ASAP2: variants seen among roughly 807,000 people sequenced by gnomAD.
ASAP2 encodes ArfGAP with SH3 domain, ankyrin repeat and PH domain 2.
ASAP2 carries 45 observed loss-of-function variants against 131.4 expected under a neutral mutation model. That is an observed-to-expected ratio of 0.34 (90% CI 0.27 to 0.44). The LOEUF (loss-of-function observed/expected upper bound fraction) is 0.44. ASAP2 is among the 20% of genes least tolerant of loss of function. The probability of loss-of-function intolerance (pLI) is 1.00; values close to 1 mark genes in which losing one functional copy is unlikely to be tolerated. For missense variants in ASAP2, 1,011 were observed against 1,297.0 expected, an observed-to-expected ratio of 0.78 and a Z score of 3.39; for synonymous variants, 510 against 503.0, an observed-to-expected ratio of 1.01 and a Z score of -0.19.
At chr2:9,273,131 T>C (rs954036307) in intron 1 of ASAP2, among the ~76,000 whole-genome samples, 23 of 152,346 alleles carry the variant, frequency 1.5e-4, no homozygotes, top group Non-Finnish European at 3.2e-4. Context: ...TGTAAATCGT[T>C]CTGGGTAGTA....
chr2:9,260,303 T>C (rs2709587), intron 1 of ASAP2, among the ~76,000 whole-genome samples: 97,588 of 152,190 alleles, frequency 0.64, 33,734 homozygotes, highest in African/African-American at 0.91. Context: ...GAGGATGAGG[T>C]GGGATCCAGA....
chr2:9,229,495 C>G (rs1420009520), intron 1 of ASAP2, among the ~76,000 whole-genome samples: 2 of 152,216 alleles, frequency 1.3e-5, no homozygotes, highest in Non-Finnish European at 2.9e-5. Flanking sequence ...AAATAGCCGT[C>G]CCCCTTGGGC....
At chr2:9,262,347 C>T (rs967682122) in intron 1 of ASAP2, among the ~76,000 whole-genome samples, 2 of 152,018 alleles carry the variant, frequency 1.3e-5, no homozygotes, top group African/African-American at 2.4e-5. Context: ...CTTTAATTGG[C>T]GTAGTTTACA....
chr2:9,275,729 C>A (rs1367591367), intron 1 of ASAP2, among the ~76,000 whole-genome samples: 6 of 152,276 alleles, frequency 3.9e-5, no homozygotes, highest in Admixed American at 1.3e-4. Context: ...GGCTCATCAT[C>A]CTTTCCTGAG....
intron 2 of ASAP2, among the ~76,000 whole-genome samples, chr2:9,290,154 G>C (rs1403950386): frequency 1.3e-5 from 2 of 152,164 alleles, no homozygotes; most frequent in Non-Finnish European, 2.9e-5. Context: ...CCGTCACCTT[G>C]TCCAGGGAAA....
intron 20 of ASAP2, 68 bp downstream of exon 20, chr2:9,380,876 T>C (rs938781477): frequency 6.7e-7 from 1 of 1,498,268 alleles, no homozygotes. Flanking sequence ...CCTGTCCTCC[T>C]TGGGCAGGGT....
intron 3 of ASAP2, among the ~76,000 whole-genome samples, chr2:9,300,281 TC>T: frequency 6.6e-6 from 1 of 152,306 alleles, no homozygotes; most frequent in East Asian, 1.9e-4. Context: ...AGGCTCAGAG[TC>T]CTTGCCTAGG....
chr2:9,369,565 C>T (rs777455789), intron 16 of ASAP2, among the ~76,000 whole-genome samples: 6 of 152,028 alleles, frequency 3.9e-5, no homozygotes, highest in Admixed American at 6.5e-5. Flanking sequence ...GTGAAACAGA[C>T]GGAAGGAAGG....
At chr2:9,274,556 C>A (rs1423932891) in intron 1 of ASAP2, among the ~76,000 whole-genome samples, 1 of 152,144 alleles carries the variant, frequency 6.6e-6, no homozygotes, top group Non-Finnish European at 1.5e-5. Context: ...CTTCTGACTT[C>A]AAGTAATCCG....
At chr2:9,229,028 C>A (rs369913849) in intron 1 of ASAP2, among the ~76,000 whole-genome samples, 4 of 152,174 alleles carry the variant, frequency 2.6e-5, no homozygotes, top group Middle Eastern at 3.4e-3. Context: ...TGCCTTGTTA[C>A]CACGTAGGGA....
intron 1 of ASAP2, among the ~76,000 whole-genome samples, chr2:9,236,262 A>G (rs752814864): frequency 9.2e-5 from 14 of 152,108 alleles, no homozygotes; most frequent in Non-Finnish European, 1.9e-4. Context: ...TTTCATAAGC[A>G]GAGGCTTGTA....
rs202145090 is a variant in ASAP2 at position 9,374,742 on chromosome 2, C to T, written c.1557-13C>T. 60 of 1,581,512 alleles carry T rather than the reference C, an allele frequency of 3.8e-5. No homozygotes were observed. Among genetic ancestry groups the T allele is most frequent in the Non-Finnish European group, 4.9e-5 (57 of 1,164,272 alleles). On this transcript the variant is annotated splice_polypyrimidine_tract_variant and intron_variant, in intron 16 of 27. Coordinates refer to ENST00000281419, the MANE Select transcript of ASAP2 (RefSeq NM_003887.3). ...CCCTTCATGATTTGCAAGGCAATTA[C>T]GTTTGGTTTCAGGAATGCAAGAAAG... is the stretch of plus-strand genomic sequence containing the variant.
In ASAP2 at chr2:9,344,519, C is replaced by T; in HGVS notation, c.850-13C>T. 1 of 1,605,918 alleles carries T rather than the reference C, an allele frequency of 6.2e-7. No homozygotes were observed. Among genetic ancestry groups the T allele is most frequent in the Non-Finnish European group, 8.5e-7 (1 of 1,173,072 alleles). ...TGGACAAGATTAAAAACACACTCTT[C>T]ACCATTTTTTAGGACTCCCAAATTC... On this transcript the variant is annotated splice_polypyrimidine_tract_variant and intron_variant, in intron 9 of 27. Transcript: ENST00000281419.
intron 3 of ASAP2, among the ~76,000 whole-genome samples, chr2:9,317,510 C>A (rs1669824156): frequency 6.6e-6 from 1 of 150,732 alleles, no homozygotes; most frequent in South Asian, 2.1e-4. Flanking sequence ...CTTACACCCC[C>A]ACAATCACAC....
At chr2:9,269,449 C>T (rs1666185436) in intron 1 of ASAP2, among the ~76,000 whole-genome samples, 2 of 152,198 alleles carry the variant, frequency 1.3e-5, no homozygotes, top group African/African-American at 4.8e-5. Flanking sequence ...GCTTGGCCCG[C>T]ACCATTCAGC....
chr2:9,257,108 A>G (rs936685749), intron 1 of ASAP2, among the ~76,000 whole-genome samples: 2 of 152,232 alleles, frequency 1.3e-5, no homozygotes, highest in African/African-American at 4.8e-5. Context: ...AGAGCAGCAG[A>G]GGATGGTTTC....
chr2:9,369,841 G>A (rs920348653), intron 16 of ASAP2, among the ~76,000 whole-genome samples: 9 of 152,028 alleles, frequency 5.9e-5, no homozygotes, highest in Non-Finnish European at 1.0e-4. Context: ...CTTTGTAAAG[G>A]GAGAGAATTT....
At chr2:9,316,276 C>G (rs1271001663) in intron 3 of ASAP2, among the ~76,000 whole-genome samples, 1 of 151,696 alleles carries the variant, frequency 6.6e-6, no homozygotes, top group African/African-American at 2.4e-5. Flanking sequence ...GCCCTCCAAC[C>G]TGGGCGACAC....
At chr2:9,395,721 C>G (rs1676093930) in intron 24 of ASAP2, among the ~76,000 whole-genome samples, 1 of 148,706 alleles carries the variant, frequency 6.7e-6, no homozygotes, top group Non-Finnish European at 1.5e-5. Flanking sequence ...CATTCTCCTG[C>G]CTCAGCCTCC....
Sources: allele counts gnomAD v4.1 joint callset (sites outside exome capture counted in the v4.1 genomes callset), GRCh38; gene constraint gnomAD v4.1.1; transcripts MANE v1.5; gene names NCBI Gene and HGNC (gene_info 2026-07-23, HGNC 2026-07-21).